The following CRIP2 variants were observed in gnomAD, a reference collection of about 807,000 sequenced individuals.
The protein encoded by CRIP2 is cysteine-rich protein 2.
CRIP2 carries 31 observed loss-of-function variants against 31.3 expected under a neutral mutation model. The ratio of observed to expected loss-of-function variants is 0.99; its 90% CI spans 0.74 to 1.34. The LOEUF (loss-of-function observed/expected upper bound fraction) is 1.34. CRIP2 is among the 40% of genes most tolerant of loss of function. The probability of loss-of-function intolerance (pLI) is 0.00; values close to 1 mark genes in which losing one functional copy is unlikely to be tolerated. For synonymous variants in CRIP2, 177 were observed against 127.2 expected (o/e 1.39, Z -2.63); for missense variants, 389 against 301.6 (o/e 1.29, Z -2.15).
At chr14:105,477,168 G>A (rs1245197193) in intron 1 of CRIP2, 3 of 621,646 alleles carry the variant, frequency 4.8e-6, no homozygotes, top group African/African-American at 4.0e-5. Flanking sequence ...TTCCGGCTCT[G>A]CTGGGCCCTT....
At chr14:105,479,357 C>T (rs1428952058) in intron 6 of CRIP2, 79 bp from the exon 7 acceptor site, 5 of 1,594,170 alleles carry the variant, frequency 3.1e-6, no homozygotes, top group East Asian at 2.2e-5. Flanking sequence ...GCGAGCCGGC[C>T]TGCACGTTCT....
intron 1 of CRIP2, chr14:105,476,841 C>T: frequency 2.2e-6 from 2 of 897,532 alleles, no homozygotes; most frequent in South Asian, 1.0e-4. Flanking sequence ...TGGCCCTGGC[C>T]ATGCCCAGAG....
rs1386748343 is a variant in CRIP2 at position 105,478,761 on chromosome 14, T to A, written c.227T>A (p.Ile76Asn). 3 of 1,409,704 alleles carry A rather than the reference T, an allele frequency of 2.1e-6. No homozygotes were observed. The highest frequency in any genetic ancestry group is 2.8e-6 in the Non-Finnish European group (3 of 1,086,104). 87.3% of individuals were successfully genotyped at this position (1,409,704 alleles called of 1,614,324 possible). A position where few individuals can be genotyped will look rare whatever the true frequency, so the allele number is the denominator to read the frequency against. Reference sequence around the variant, plus strand: ...AACATCGGGGGCGCGGGCTCCTACATCTACGAGAAGCCCCTGGCGGAGGGG... The same window carrying A: ...AACATCGGGGGCGCGGGCTCCTACAACTACGAGAAGCCCCTGGCGGAGGGG... ...GVNIGGAGSY[I>N]YEKPLAEGPQ... The change falls in exon 4 of 8, where the codon ATC becomes AAC. Residue 76 changes from isoleucine to asparagine, a missense_variant. Coordinates refer to ENST00000329146, the MANE Select transcript of CRIP2 (RefSeq NM_001312.4). The surrounding 1 kb of genome is among the most constrained non-coding windows in gnomAD (Gnocchi z 4.9).
chr14:105,473,088 T>G, upstream of CRIP2: 1 of 857,020 alleles, frequency 1.2e-6, no homozygotes, highest in Non-Finnish European at 1.8e-6. Context: ...GGTAATGGCT[T>G]AGCCCCAGGC....
chr14:105,474,100 C>A (rs587660475), upstream of CRIP2: 138 of 157,032 alleles, frequency 8.8e-4, no homozygotes, highest in African/African-American at 3.2e-3. This position sits in a 1 kb window ranked among gnomAD's most constrained non-coding sequence, Gnocchi z 5.1. Flanking sequence ...AGACGCAGAC[C>A]TCCCCACACC....
upstream of CRIP2, chr14:105,473,390 G>A: frequency 1.3e-6 from 2 of 1,535,770 alleles, no homozygotes; most frequent in Non-Finnish European, 1.7e-6. Context: ...GCTGCAGGGT[G>A]TGTGTGCAAG....
intron 1 of CRIP2, chr14:105,476,115 C>T: frequency 1.0e-6 from 1 of 985,542 alleles, no homozygotes; most frequent in South Asian, 4.7e-5. Flanking sequence ...AGTCTCTGTC[C>T]CAGCGAGGGC....
chr14:105,475,964 C>T, intron 1 of CRIP2: 2 of 985,606 alleles, frequency 2.0e-6, no homozygotes, highest in Non-Finnish European at 2.4e-6. Flanking sequence ...GCTTCCCCGG[C>T]TCACAGGCTG....
upstream of CRIP2, chr14:105,474,806 C>T (rs1555435371): frequency 4.7e-6 from 6 of 1,285,932 alleles, no homozygotes; most frequent in Middle Eastern, 2.1e-4. This position sits in a 1 kb window ranked among gnomAD's most constrained non-coding sequence, Gnocchi z 5.1. Context: ...TGGGCGCGGG[C>T]GGCGGCGGCC....
At chr14:105,479,104 C>G in intron 5 of CRIP2, 21 bp from the exon 6 acceptor site, 5 of 1,609,890 alleles carry the variant, frequency 3.1e-6, no homozygotes, top group Non-Finnish European at 4.2e-6. Context: ...GGGGCTCGGC[C>G]TCACTCCTCC....
Position 105,478,780 on chromosome 14 carries a change from G to T in CRIP2, c.246G>T (p.Ala82=). Residue 82 remains alanine, a synonymous_variant, in exon 4 of 8, where the codon GCG becomes GCT. Transcript: ENST00000329146. The surrounding 1 kb of genome is among the most constrained non-coding windows in gnomAD (Gnocchi z 4.9). ...AGSYIYEKPL[A]EGPQVTGPIE... ...CCTACATCTACGAGAAGCCCCTGGCGGAGGGGCCGCAGGTCACCGGCCCCA... is the reference window on the plus strand; with the variant it reads ...CCTACATCTACGAGAAGCCCCTGGCTGAGGGGCCGCAGGTCACCGGCCCCA... 7.0e-7 allele frequency: 1 copy of T among 1,432,720 alleles called. No individual in the cohort carries two copies. Among genetic ancestry groups the T allele is most frequent in the Non-Finnish European group, 9.1e-7 (1 of 1,099,980 alleles). 88.8% of individuals were successfully genotyped at this position (1,432,720 alleles called of 1,614,324 possible).
chr14:105,477,936 TGGAGCGCGGGCAGGCTC>T, intron 1 of CRIP2, among the ~76,000 whole-genome samples: 1 of 116,908 alleles, frequency 8.6e-6, no homozygotes, highest in African/African-American at 6.8e-5. Context: ...GGGCAGGTGT[TGGAGCGCGGGCAGGCTC>T]GAGCACAGGC....
At position 105,474,867 on chromosome 14, in the gene CRIP2, C is replaced by A; in HGVS notation, c.5C>A (p.Ala2Asp). The A allele has an allele frequency of 6.6e-7, 1 of 1,508,678 alleles. No homozygotes were observed. The highest frequency in any genetic ancestry group is 8.9e-7 in the Non-Finnish European group (1 of 1,127,298). 93.5% of individuals were successfully genotyped at this position (1,508,678 alleles called of 1,614,324 possible). A position where few individuals can be genotyped will look rare whatever the true frequency, so the allele number is the denominator to read the frequency against. The change falls in exon 1 of 8, where the codon GCC (alanine) becomes GAC (aspartate). Residue 2 changes from alanine to aspartate, a missense_variant. By Grantham distance (126) the Ala-to-Asp change is moderately radical. Transcript: ENST00000329146. This position sits in a 1 kb window ranked among gnomAD's most constrained non-coding sequence, Gnocchi z 5.1. ...GGCCGACCGGGCGCACCGACCATGG[C>A]CTCCAAATGCCCCAAGTGCGACAAG... M[A>D]SKCPKCDKTV...
At chr14:105,479,392 G>T (rs1555436804) in intron 6 of CRIP2, 44 bp from the exon 7 acceptor site, 2 of 1,608,962 alleles carry the variant, frequency 1.2e-6, no homozygotes, top group Non-Finnish European at 1.7e-6. Context: ...GATGGGTCGG[G>T]GGAGTCTGTG....
Position 105,474,914 on chromosome 14 carries a change from G to C in CRIP2, c.43+9G>C, listed in dbSNP as rs1179873899. The C allele has an allele frequency of 1.6e-5, 24 of 1,514,186 alleles. No individual in the cohort carries two copies. Among genetic ancestry groups the C allele is most frequent in the Admixed American group, 2.1e-5 (1 of 48,014 alleles). The allele number at this position is 1,514,186 out of a possible 1,614,324, so 93.8% of individuals were successfully genotyped here. A position where few individuals can be genotyped will look rare whatever the true frequency, so the allele number is the denominator to read the frequency against. ...CAAGACCGTGTACTTCGGTGAGTGC[G>C]TGCCCGCTCCCGGCCCGCTCGGTGC... On this transcript the variant is annotated intron_variant, in intron 1 of 7. Transcript: ENST00000329146. This position sits in a 1 kb window ranked among gnomAD's most constrained non-coding sequence, Gnocchi z 5.1.
Position 105,478,228 on chromosome 14 carries a change from GC to G in CRIP2, c.44-34del. 2.1e-6 allele frequency: 3 copies of G among 1,443,236 alleles called. No homozygotes were observed. Among genetic ancestry groups the G allele is most frequent in the South Asian group, 1.4e-5 (1 of 73,798 alleles). The allele number at this position is 1,443,236 out of a possible 1,614,324, so 89.4% of individuals were successfully genotyped here. A position where few individuals can be genotyped will look rare whatever the true frequency, so the allele number is the denominator to read the frequency against. ...TGGGGGCGGAGGGGGTGCGGGGCGC[GC>G]CCCGGCCCTGACCCCCCTGCCGCCC... On this transcript the variant is annotated intron_variant, in intron 1 of 7. Transcript: ENST00000329146. The surrounding 1 kb of genome is among the most constrained non-coding windows in gnomAD (Gnocchi z 4.9).
At chr14:105,477,854 AGGCAGGTGTTGGAGCGCG>A (rs869259338) in intron 1 of CRIP2, among the ~76,000 whole-genome samples, 911 of 88,954 alleles carry the variant, frequency 0.01, 25 homozygotes, top group African/African-American at 0.043. Flanking sequence ...GGTGTCCGGG[AGGCAGGTGTTGGAGCGCG>A]GGCAGGTGTT....
Position 105,479,395 on chromosome 14 carries a change from AG to A in CRIP2, c.502-40del, listed in dbSNP as rs781844912. On this transcript the variant is annotated intron_variant, in intron 6 of 7. Transcript: ENST00000329146. The stretch of plus-strand genomic sequence containing the variant: ...AAGCCTCCAGGTGATGGGTCGGGGG[AG>A]TCTGTGGACTCCTCCCTCAGCACCC... 93 of 1,610,008 alleles carry A rather than the reference AG, an allele frequency of 5.8e-5. 3 individuals carry two copies. In the South Asian group the frequency reaches 7.4e-4, roughly 13 times the overall value.
At chr14:105,473,185 G>A, upstream of CRIP2, 1 of 1,526,428 alleles carries the variant, frequency 6.6e-7, no homozygotes, top group Non-Finnish European at 8.8e-7. Context: ...CCTGCTGTGA[G>A]GGACCCCTAG....
Sources: gnomAD v4.1 joint callset for allele counts (sites outside exome capture counted in the v4.1 genomes callset) on GRCh38, gnomAD v4.1.1 for gene constraint, Gnocchi (gnomAD v3.1) non-coding constraint, MANE v1.5 for transcripts, NCBI Gene and HGNC (gene_info 2026-07-23, HGNC 2026-07-21) for gene names.